The following BAZ2B variants were observed in gnomAD, a reference collection of about 807,000 sequenced individuals.
BAZ2B encodes bromodomain adjacent to zinc finger domain 2B.
Under a neutral mutation model 246.0 loss-of-function variants are expected in BAZ2B, and 91 were observed. The observed-to-expected ratio is 0.37, with a 90% CI of 0.31 to 0.44. BAZ2B has a LOEUF of 0.44. BAZ2B is among the 20% of genes least tolerant of loss of function. The pLI is 1.00. For synonymous variants in BAZ2B, 855 were observed against 860.0 expected, an observed-to-expected ratio of 0.99 and a Z score of 0.10; for missense variants, 2,332 against 2,533.7, an observed-to-expected ratio of 0.92 and a Z score of 1.71.
the BAZ2B span, among the ~76,000 whole-genome samples, chr2:159,678,658 T>A: frequency 6.6e-6 from 1 of 152,166 alleles, no homozygotes; most frequent in Non-Finnish European, 1.5e-5. Flanking sequence ...CTATTCTACA[T>A]TTTTTCCTAA....
At chr2:159,541,394 C>T (rs2086645934) in intron 2 of BAZ2B, among the ~76,000 whole-genome samples, 8 of 152,010 alleles carry the variant, frequency 5.3e-5, no homozygotes, top group Admixed American at 5.2e-4. Flanking sequence ...TCTCCTGCCT[C>T]AGACTCCAGA....
rs1224536412 is a variant in BAZ2B at position 159,501,226 on chromosome 2, T to TTA, written c.-2-22507_-2-22506dup. ...ATTTTTATATATATTATATATATAT[T>TTA]TATATATATATATATAAAGTAGCTG... On this transcript the variant is annotated intron_variant, in intron 2 of 36. Transcript: ENST00000392783. 1.5e-3 allele frequency among the ~76,000 whole-genome samples: 165 copies of TTA among 112,432 alleles called. 4 individuals carry two copies. The highest frequency in any genetic ancestry group is 4.1e-3 in the Middle Eastern group (1 of 242). The allele number at this position is 112,432 out of a possible 152,430, so 73.8% of individuals were successfully genotyped here.
At chr2:159,424,446 A>G (rs2069388207) in intron 13 of BAZ2B, among the ~76,000 whole-genome samples, 1 of 152,178 alleles carries the variant, frequency 6.6e-6, no homozygotes, top group South Asian at 2.1e-4. Flanking sequence ...TCTGCAATGC[A>G]GGTATTATCT....
At chr2:159,647,110 C>T in the BAZ2B span, among the ~76,000 whole-genome samples, 1 of 152,076 alleles carries the variant, frequency 6.6e-6, no homozygotes, top group Non-Finnish European at 1.5e-5. Context: ...TACAGGAGAA[C>T]CCCACACCTT....
chr2:159,612,881 G>A (rs1694994170), intron 1 of BAZ2B, among the ~76,000 whole-genome samples: 1 of 152,062 alleles, frequency 6.6e-6, no homozygotes, highest in Non-Finnish European at 1.5e-5. Context: ...TAATAAACAT[G>A]CAAACAAAGA....
At chr2:159,357,054 AG>A (rs918379706) in intron 27 of BAZ2B, among the ~76,000 whole-genome samples, 7 of 152,180 alleles carry the variant, frequency 4.6e-5, no homozygotes, top group Non-Finnish European at 7.4e-5. Flanking sequence ...TCCCAAAACC[AG>A]AATGCCTCTT....
chr2:159,546,470 G>A (rs1446615620), intron 2 of BAZ2B, among the ~76,000 whole-genome samples: 1 of 148,058 alleles, frequency 6.8e-6, no homozygotes, highest in Non-Finnish European at 1.5e-5. Context: ...TCAGCAGCGT[G>A]AAAATGGACT....
chr2:159,438,973 AT>A, intron 7 of BAZ2B, 35 bp downstream of exon 7: 1 of 1,585,822 alleles, frequency 6.3e-7, no homozygotes, highest in Non-Finnish European at 8.6e-7. Context: ...CTAAATATGA[AT>A]AATGTTTGGA....
intron 35 of BAZ2B, 61 bp from the exon 36 acceptor site, chr2:159,325,015 A>T: frequency 1.2e-6 from 1 of 823,208 alleles, no homozygotes; most frequent in Non-Finnish European, 1.6e-6. Context: ...TTTTTTAATT[A>T]AAAAAGCTTT....
chr2:159,476,867 G>A (rs1422751003), intron 3 of BAZ2B, among the ~76,000 whole-genome samples: 1 of 152,236 alleles, frequency 6.6e-6, no homozygotes, highest in East Asian at 1.9e-4. Context: ...TCATAGCATC[G>A]CTATTTTTGA....
chr2:159,364,434 C>T (rs2060015009), intron 27 of BAZ2B, among the ~76,000 whole-genome samples: 1 of 152,114 alleles, frequency 6.6e-6, no homozygotes, highest in African/African-American at 2.4e-5. Flanking sequence ...GCTCTGTCCC[C>T]AAGGCTGAAG....
chr2:159,583,672 T>C (rs1005361552), intron 1 of BAZ2B, among the ~76,000 whole-genome samples: 1 of 152,156 alleles, frequency 6.6e-6, no homozygotes, highest in Non-Finnish European at 1.5e-5. Flanking sequence ...ATTCTTGCCT[T>C]CTTCATGGGG....
rs28439456 is a variant in BAZ2B at position 159,548,918 on chromosome 2, T to C, written c.-3+6905A>G. Among the ~76,000 whole-genome samples, 852 of 152,330 alleles carry C rather than the reference T, an allele frequency of 5.6e-3. 11 individuals are homozygous for C. Among genetic ancestry groups the C allele is most frequent in the African/African-American group, 0.02 (818 of 41,564 alleles). ...GGTATCTAGCACTTACCAAAGTTTT[T>C]AGTTTATAAATTCCTATAAGAGCTG... On this transcript the variant is annotated intron_variant, in intron 2 of 36. Coordinates refer to ENST00000392783, the MANE Select transcript of BAZ2B (RefSeq NM_013450.4).
chr2:159,708,291 A>G, the BAZ2B span, among the ~76,000 whole-genome samples: 19 of 152,308 alleles, frequency 1.2e-4, no homozygotes, highest in African/African-American at 4.1e-4. Flanking sequence ...ATGAGGCCTC[A>G]TGTACTTAAA....
At chr2:159,494,949 T>C (rs189521576) in intron 2 of BAZ2B, among the ~76,000 whole-genome samples, 60 of 152,236 alleles carry the variant, frequency 3.9e-4, no homozygotes, top group African/African-American at 1.3e-3. Context: ...AACAGATTCT[T>C]ACTAGTAAGA....
Position 159,389,528 on chromosome 2 carries a change from T to C in BAZ2B, c.3076-43A>G, listed in dbSNP as rs753642004. 3 of 1,474,696 alleles carry C rather than the reference T, an allele frequency of 2.0e-6. No individual in the cohort carries two copies. In the South Asian group the frequency reaches 4.2e-5, roughly 21 times the overall value. 91.4% of individuals were successfully genotyped at this position (1,474,696 alleles called of 1,614,324 possible). A position where few individuals can be genotyped will look rare whatever the true frequency, so the allele number is the denominator to read the frequency against. On this transcript the variant is annotated intron_variant, in intron 20 of 36. Coordinates refer to ENST00000392783, the MANE Select transcript of BAZ2B (RefSeq NM_013450.4). ...GTACACATATTCTTCTTAATCATTA[T>C]ATATGTTGGAATAAACTTAGAATTA...
At chr2:159,565,644 G>A (rs1265308606) in intron 1 of BAZ2B, among the ~76,000 whole-genome samples, 1 of 152,036 alleles carries the variant, frequency 6.6e-6, no homozygotes, top group African/African-American at 2.4e-5. Flanking sequence ...AGGTGTTGTT[G>A]CGCGCCCCTG....
At chr2:159,361,705 C>T (rs1179540759) in intron 27 of BAZ2B, among the ~76,000 whole-genome samples, 1 of 151,916 alleles carries the variant, frequency 6.6e-6, no homozygotes, top group East Asian at 1.9e-4. Flanking sequence ...GGAACCAACT[C>T]AAATGCCCAT....
At chr2:159,563,915 G>A (rs970175870) in intron 1 of BAZ2B, among the ~76,000 whole-genome samples, 3 of 152,102 alleles carry the variant, frequency 2.0e-5, no homozygotes, top group Admixed American at 1.3e-4. Flanking sequence ...GACATGAATC[G>A]AATAATTCTT....
Sources: gnomAD v4.1 joint callset for allele counts (sites outside exome capture counted in the v4.1 genomes callset) on GRCh38, gnomAD v4.1.1 for gene constraint, MANE v1.5 for transcripts, NCBI Gene and HGNC (gene_info 2026-07-23, HGNC 2026-07-21) for gene names.